WASHC5: variants seen among roughly 807,000 people sequenced by gnomAD.
WASHC5 encodes the protein WASH complex subunit 5.
WASHC5 carries 101 observed loss-of-function variants against 150.4 expected under a neutral mutation model. The ratio of observed to expected loss-of-function variants is 0.67; its 90% confidence interval spans 0.57 to 0.79. The LOEUF (loss-of-function observed/expected upper bound fraction) is 0.79, where lower values mean the gene tolerates loss of function less well. Among genes scored for constraint, WASHC5 ranks in the 30% least tolerant of loss-of-function variants. WASHC5 has a pLI of 0.00. For missense variants in WASHC5, 1,195 were observed against 1,396.3 expected, an observed-to-expected ratio of 0.86 and a Z score of 2.30; for synonymous variants, 467 against 491.2, an observed-to-expected ratio of 0.95 and a Z score of 0.65.
intron 27 of WASHC5, among the ~76,000 whole-genome samples, chr8:125,029,743 AAGG>A (rs1815473180): frequency 6.6e-6 from 1 of 152,224 alleles, no homozygotes; most frequent in Non-Finnish European, 1.5e-5. Context: ...TTTACATCAA[AAGG>A]AGTTTTTAGG....
Position 125,061,106 on chromosome 8 carries a change from T to C in WASHC5, c.1497A>G (p.Val499=), listed in dbSNP as rs149691171. ...CCTCTTCCAAAGCTTGTATCAGTTG[T>C]ACAGTTTTTCTGCCCGCAGCAGTAG... ...DDSTAAGRKT[V]QLIQALEEVQ... is the part of the protein sequence containing the mutation. Residue 499 remains valine (V), a synonymous_variant, in exon 12 of 29, where the codon GTA becomes GTG. Transcript: ENST00000318410. The C allele has an allele frequency of 6.2e-7, 1 of 1,608,814 alleles. No individual in the cohort carries two copies. The highest frequency in any genetic ancestry group is 8.5e-7 in the Non-Finnish European group (1 of 1,175,256).
rs1239191416 is a variant in WASHC5 at position 125,057,482 on chromosome 8, G to C, written c.1875+74C>G. The C allele has an allele frequency of 1.9e-4, 186 of 972,234 alleles. 1 individual carries two copies. Among genetic ancestry groups the C allele is most frequent in the Non-Finnish European group, 3.4e-5 (21 of 616,052 alleles). 60.2% of individuals were successfully genotyped at this position (972,234 alleles called of 1,614,324 possible). On this transcript the variant is annotated intron_variant, in intron 15 of 28. Coordinates refer to ENST00000318410, the MANE Select transcript of WASHC5 (RefSeq NM_014846.4). ...AGAGACACGGATATACTTTTGGGGG[G>C]CCTAAGCATACTTTTTGTATTTAAA... is the stretch of plus-strand genomic sequence containing the variant.
At chr8:125,055,695 G>C (rs752088944) in intron 16 of WASHC5, 24 bp from the exon 17 acceptor site, 1 of 1,374,460 alleles carries the variant, frequency 7.3e-7, no homozygotes, top group South Asian at 1.2e-5. Flanking sequence ...AAAGAGGTAT[G>C]AAAAATCACT....
At chr8:125,070,322 ATT>A (rs1400983211) in intron 9 of WASHC5, among the ~76,000 whole-genome samples, 9 of 152,374 alleles carry the variant, frequency 5.9e-5, no homozygotes, top group South Asian at 2.1e-4. Flanking sequence ...TAGGTCAATC[ATT>A]TGTTTCTGAT....
Position 125,075,115 on chromosome 8 carries a change from A to T in WASHC5, c.865-4T>A. ...TCCCCATGTAAATACTAATTACCTGAAAGAGGAGACATTCAGAATTTGTTA... is the reference window on the plus strand; with the variant it reads ...TCCCCATGTAAATACTAATTACCTGTAAGAGGAGACATTCAGAATTTGTTA... On this transcript the variant is annotated splice_region_variant and splice_polypyrimidine_tract_variant and intron_variant, in intron 7 of 28. Transcript: ENST00000318410. The T allele has an allele frequency of 6.6e-7, 1 of 1,522,012 alleles. No homozygotes were observed. Among genetic ancestry groups the T allele is most frequent in the Admixed American group, 1.7e-5 (1 of 59,902 alleles). 94.3% of individuals were successfully genotyped at this position (1,522,012 alleles called of 1,614,324 possible). A position where few individuals can be genotyped will look rare whatever the true frequency, so the allele number is the denominator to read the frequency against.
At chr8:125,079,286 G>A (rs1426643752) in intron 5 of WASHC5, among the ~76,000 whole-genome samples, 3 of 143,820 alleles carry the variant, frequency 2.1e-5, no homozygotes, top group East Asian at 2.1e-4. Context: ...CTGCCTCCAG[G>A]TTCAAGCAAT....
At chr8:125,063,129 G>A (rs1003385090) in intron 11 of WASHC5, among the ~76,000 whole-genome samples, 1 of 152,018 alleles carries the variant, frequency 6.6e-6, no homozygotes, top group African/African-American at 2.4e-5. Context: ...TTCTTGAGAA[G>A]ATCATGAGAA....
chr8:125,037,535 T>A (rs549863140), intron 25 of WASHC5, among the ~76,000 whole-genome samples: 1 of 152,342 alleles, frequency 6.6e-6, no homozygotes, highest in East Asian at 1.9e-4. Flanking sequence ...GTATCATAAT[T>A]TGCCCTTCTG....
At chr8:125,040,390 T>C (rs537046184) in intron 23 of WASHC5, among the ~76,000 whole-genome samples, 3 of 152,326 alleles carry the variant, frequency 2.0e-5, no homozygotes, top group South Asian at 2.1e-4. Flanking sequence ...ATAGGTTCTA[T>C]AATTATCTGG....
chr8:125,043,963 C>T, intron 22 of WASHC5, 29 bp downstream of exon 22: 1 of 1,436,902 alleles, frequency 7.0e-7, no homozygotes, highest in Non-Finnish European at 9.2e-7. Flanking sequence ...CAGTGTCATC[C>T]CCGCCTCAGG....
Position 125,059,238 on chromosome 8 carries a change from C to A in WASHC5, c.1748G>T (p.Arg583Ile), listed in dbSNP as rs1348442549. 1 of 1,613,650 alleles carries A rather than the reference C, an allele frequency of 6.2e-7. No individual in the cohort carries two copies. The highest frequency in any genetic ancestry group is 1.7e-5 in the Admixed American group (1 of 60,016). ...RVNPSMVTKL[R>I]ATFLKLASAL... ...TTTGCTTACCTTTAGGAAGGTAGCT[C>A]TGAGTTTAGTAACCATGGATGGATT... Residue 583 changes from arginine (R) to isoleucine (I), a missense_variant, in exon 14 of 29, where the codon AGA becomes ATA. Physicochemically the swap from Arg to Ile is moderately conservative, Grantham distance 97. This residue lies in a region of WASHC5 where 997 missense variants were observed against 1,168.1 expected (regional missense o/e 0.85). Transcript: ENST00000318410.
At chr8:125,057,491 T>C in intron 15 of WASHC5, 65 bp downstream of exon 15, 1 of 1,093,542 alleles carries the variant, frequency 9.1e-7, no homozygotes, top group South Asian at 1.3e-5. Flanking sequence ...GGCCTAAGCA[T>C]ACTTTTTGTA....
intron 28 of WASHC5, among the ~76,000 whole-genome samples, chr8:125,027,797 C>T (rs1192178996): frequency 6.6e-6 from 1 of 152,194 alleles, no homozygotes; most frequent in Non-Finnish European, 1.5e-5. Flanking sequence ...GACAATTAAT[C>T]TCAAATAATA....
At chr8:125,083,648 G>T in intron 2 of WASHC5, 65 bp downstream of exon 2, 1 of 1,290,390 alleles carries the variant, frequency 7.7e-7, no homozygotes, top group Non-Finnish European at 1.1e-6. Flanking sequence ...AGAGTTTCAT[G>T]GTTCCCAGAG....
chr8:125,033,464 C>G (rs566398236), intron 26 of WASHC5, among the ~76,000 whole-genome samples: 1 of 152,244 alleles, frequency 6.6e-6, no homozygotes, highest in South Asian at 2.1e-4. Context: ...TAGAGATGAA[C>G]CACTGGCCTC....
chr8:125,080,537 T>C (rs897281200), intron 5 of WASHC5, among the ~76,000 whole-genome samples: 1 of 152,192 alleles, frequency 6.6e-6, no homozygotes. Context: ...CCCCTTCTCC[T>C]TGTCTACTTT....
intron 25 of WASHC5, among the ~76,000 whole-genome samples, chr8:125,038,177 AG>A (rs1340343217): frequency 2.0e-5 from 3 of 152,252 alleles, no homozygotes; most frequent in Non-Finnish European, 4.4e-5. Flanking sequence ...CCAAAACACA[AG>A]GGATAATACA....
intron 1 of WASHC5, among the ~76,000 whole-genome samples, chr8:125,088,726 GC>G (rs1817501732): frequency 6.6e-6 from 1 of 152,092 alleles, no homozygotes; most frequent in South Asian, 2.1e-4. Flanking sequence ...TGTTCTAAAA[GC>G]CCCAGAGCCA....
At position 125,067,731 on chromosome 8, in the gene WASHC5, A is replaced by G. The variant is rs760527985; in HGVS notation, c.1151-12T>C. ...GTTTGGGTCACAGGCTAGAAACAGG[A>G]AAAGTGTTACCTGCTTACTAAATGT... On this transcript the variant is annotated splice_polypyrimidine_tract_variant and intron_variant, in intron 9 of 28. Coordinates refer to ENST00000318410, the MANE Select transcript of WASHC5 (RefSeq NM_014846.4). 7.4e-6 allele frequency: 12 copies of G among 1,612,638 alleles called. No homozygotes were observed.
Sources: gnomAD v4.1 joint callset for allele counts (sites outside exome capture counted in the v4.1 genomes callset) on GRCh38, gnomAD v4.1.1 for gene constraint, gnomAD v4.1.1 regional missense constraint, MANE v1.5 for transcripts, NCBI Gene and HGNC (gene_info 2026-07-23, HGNC 2026-07-21) for gene names.